AXIN1: variants seen among roughly 807,000 people sequenced by gnomAD.
AXIN1 encodes the protein axin 1.
AXIN1 carries 30 observed loss-of-function variants against 76.4 expected under a neutral mutation model. That is an observed-to-expected ratio of 0.39 (90% CI 0.29 to 0.53). The LOEUF is 0.53. AXIN1 is among the 20% of genes least tolerant of loss of function. AXIN1 has a pLI of 0.66. For missense variants in AXIN1, 1,140 were observed against 1,198.8 expected (o/e 0.95, Z 0.72); for synonymous variants, 545 against 501.4 (o/e 1.09, Z -1.16).
At chr16:301,276 A>G (rs1313588748) in intron 5 of AXIN1, among the ~76,000 whole-genome samples, 2 of 148,492 alleles carry the variant, frequency 1.3e-5, no homozygotes, top group Non-Finnish European at 3.0e-5. Flanking sequence ...GCCTCAAAAA[A>G]CAAAACAAAA....
intron 4 of AXIN1, among the ~76,000 whole-genome samples, chr16:304,712 C>T (rs2052972237): frequency 6.6e-6 from 1 of 151,888 alleles, no homozygotes; most frequent in African/African-American, 2.4e-5. Context: ...TTTTTGTATT[C>T]TTAGTAGGGA....
At chr16:321,001 G>C (rs989899072) in intron 2 of AXIN1, among the ~76,000 whole-genome samples, 2 of 152,098 alleles carry the variant, frequency 1.3e-5, no homozygotes, top group African/African-American at 4.8e-5. Context: ...GCCTCCCAAA[G>C]TGCTGGGATT....
rs980564027 is a variant in AXIN1 at position 347,083 on chromosome 16, A to G, written c.-58T>C. On this transcript the variant is annotated 5_prime_UTR_variant, in exon 2 of 11. Coordinates refer to ENST00000262320, the MANE Select transcript of AXIN1 (RefSeq NM_003502.4). ...TGCACCCTAATACATCAGTACTTACAGCTCCAAAGTGAATCAATCTGTCCT... is the reference window on the plus strand; with the variant it reads ...TGCACCCTAATACATCAGTACTTACGGCTCCAAAGTGAATCAATCTGTCCT... 4 of 1,612,312 alleles carry G rather than the reference A, an allele frequency of 2.5e-6. 1 individual carries two copies. The highest frequency in any genetic ancestry group is 1.6e-4 in the Middle Eastern group (1 of 6,082).
chr16:301,658 C>T (rs545541371), intron 5 of AXIN1, among the ~76,000 whole-genome samples: 30 of 152,106 alleles, frequency 2.0e-4, no homozygotes, highest in Non-Finnish European at 4.0e-4. Context: ...ATGTCTCACT[C>T]AAAATGGGAA....
intron 2 of AXIN1, 150 bp from the exon 3 acceptor site, chr16:314,833 A>C (rs550509895): frequency 8.7e-7 from 1 of 1,151,788 alleles, no homozygotes; most frequent in Non-Finnish European, 1.2e-6. Context: ...AAAGACCAAC[A>C]TCTCCACCTG....
intron 5 of AXIN1, among the ~76,000 whole-genome samples, chr16:303,254 G>A (rs1282640085): frequency 6.6e-6 from 1 of 152,220 alleles, no homozygotes; most frequent in Non-Finnish European, 1.5e-5. Flanking sequence ...CGCACACTGG[G>A]GTGGAGCCAC....
At chr16:290,648 G>A (rs760239737) in intron 9 of AXIN1, 2 of 204,840 alleles carry the variant, frequency 9.8e-6, no homozygotes, top group South Asian at 8.3e-5. Flanking sequence ...CGTCGACACG[G>A]CCCATGTGGG....
intron 5 of AXIN1, among the ~76,000 whole-genome samples, chr16:299,718 C>T (rs560923335): frequency 2.6e-5 from 4 of 151,990 alleles, no homozygotes; most frequent in South Asian, 2.1e-4. Flanking sequence ...TGCAGTGGCA[C>T]GATCTCGGCT....
chr16:302,266 G>A (rs1026219059), intron 5 of AXIN1, among the ~76,000 whole-genome samples: 22 of 152,364 alleles, frequency 1.4e-4, no homozygotes, highest in Non-Finnish European at 2.5e-4. Flanking sequence ...TTGGGGGACT[G>A]TGGAGAAGGT....
At chr16:301,503 G>A (rs1050275755) in intron 5 of AXIN1, among the ~76,000 whole-genome samples, 9 of 152,082 alleles carry the variant, frequency 5.9e-5, no homozygotes, top group African/African-American at 2.2e-4. Context: ...AACATGTCTT[G>A]CTTAAGGCCA....
intron 7 of AXIN1, among the ~76,000 whole-genome samples, chr16:296,491 G>C (rs2052715215): frequency 6.6e-6 from 1 of 152,220 alleles, no homozygotes; most frequent in African/African-American, 2.4e-5. Flanking sequence ...TGCAGGCCCA[G>C]GGGGCGAGCA....
At chr16:346,021 A>C (rs1333625431) in intron 2 of AXIN1, 127 bp downstream of exon 2, 1 of 913,366 alleles carries the variant, frequency 1.1e-6, no homozygotes, top group Admixed American at 2.2e-5. Context: ...ACAGAACCAA[A>C]ATTCAACCCC....
At chr16:302,181 T>C (rs577646541) in intron 5 of AXIN1, among the ~76,000 whole-genome samples, 1 of 152,344 alleles carries the variant, frequency 6.6e-6, no homozygotes, top group South Asian at 2.1e-4. Context: ...CACGCGGCAC[T>C]GATGCTGCTC....
At position 288,240 on chromosome 16, in the gene AXIN1, AAGT is replaced by A; in HGVS notation, c.2468_2470del (p.Tyr823del). 2 of 1,613,554 alleles carry A rather than the reference AAGT, an allele frequency of 1.2e-6. No individual in the cohort carries two copies. The highest frequency in any genetic ancestry group is 1.3e-5 in the African/African-American group (1 of 75,024). On this transcript the variant is annotated inframe_deletion, in exon 11 of 11. Coordinates refer to ENST00000262320, the MANE Select transcript of AXIN1 (RefSeq NM_003502.4). ...GTCAAACTCGTCGCTCACTTTCTTG[AAGT>A]AGTATCTGCAGGACGGAGGTGAGGA...
chr16:331,118 C>T (rs940371236), intron 2 of AXIN1, among the ~76,000 whole-genome samples: 2 of 152,184 alleles, frequency 1.3e-5, no homozygotes, highest in African/African-American at 4.8e-5. Flanking sequence ...TAAAACTCAC[C>T]TGAAGGAGAC....
In AXIN1 at chr16:346,277, T is replaced by C. The variant is rs2054032501; in HGVS notation, c.749A>G (p.Asp250Gly). ...TLNEDEEWKC[D>G]QDMDEDDGRD... ...GCCATCGTCCTCATCCATGTCCTGG[T>C]CACACTTCCATTCCTCATCTTCATT... The change falls in exon 2 of 11, where the codon GAC becomes GGC. Residue 250 changes from aspartate (D) to glycine (G), a missense_variant. Physicochemically the swap from Asp to Gly is moderately conservative, Grantham distance 94. Coordinates refer to ENST00000262320, the MANE Select transcript of AXIN1 (RefSeq NM_003502.4). 1 of 1,614,056 alleles carries C rather than the reference T, an allele frequency of 6.2e-7. No individual in the cohort carries two copies. Among genetic ancestry groups the C allele is most frequent in the African/African-American group, 1.3e-5 (1 of 74,936 alleles).
chr16:313,512 C>T (rs2053229509), intron 3 of AXIN1, among the ~76,000 whole-genome samples: 1 of 152,228 alleles, frequency 6.6e-6, no homozygotes, highest in South Asian at 2.1e-4. Context: ...GGGTGGTGGT[C>T]CGCGGGCTCC....
At chr16:321,894 T>C (rs2053467830) in intron 2 of AXIN1, among the ~76,000 whole-genome samples, 1 of 152,124 alleles carries the variant, frequency 6.6e-6, no homozygotes, top group Non-Finnish European at 1.5e-5. Flanking sequence ...TTCAGGCTGG[T>C]TGTAAAGTTG....
chr16:345,160 G>T (rs2054008773), intron 2 of AXIN1, among the ~76,000 whole-genome samples: 1 of 152,142 alleles, frequency 6.6e-6, no homozygotes, highest in Non-Finnish European at 1.5e-5. Flanking sequence ...GAAGAAACAG[G>T]TTCCAAGGCT....
Sources: gnomAD v4.1 joint callset for allele counts (sites outside exome capture counted in the v4.1 genomes callset) on GRCh38, gnomAD v4.1.1 for gene constraint, MANE v1.5 for transcripts, NCBI Gene and HGNC (gene_info 2026-07-23, HGNC 2026-07-21) for gene names.